The following SDR39U1 variants were observed in gnomAD, a reference collection of about 807,000 sequenced individuals.
The protein encoded by SDR39U1 is epimerase family protein SDR39U1.
A neutral mutation model predicts 31.7 loss-of-function variants in SDR39U1; 29 were observed. The observed-to-expected ratio is 0.92, with a 90% CI of 0.68 to 1.25. The LOEUF (loss-of-function observed/expected upper bound fraction) is 1.25, where lower values mean the gene tolerates loss of function less well. Among genes scored for constraint, SDR39U1 ranks in the 50% most tolerant of loss-of-function variants. The probability of loss-of-function intolerance (pLI) is 0.00; values close to 1 mark genes in which losing one functional copy is unlikely to be tolerated. For missense variants in SDR39U1, 403 were observed against 378.4 expected (o/e 1.06, Z -0.54); for synonymous variants, 147 against 159.0 (o/e 0.92, Z 0.57).
intron 4 of SDR39U1, chr14:24,441,149 G>T (rs1473924676): frequency 7.7e-6 from 5 of 652,096 alleles, no homozygotes; most frequent in Middle Eastern, 5.0e-4. Context: ...CTAGAGTGTA[G>T]TGGTTAAGAA....
At position 24,442,232 on chromosome 14, in the gene SDR39U1, C is replaced by G. The variant is rs1566508292; in HGVS notation, c.152G>C (p.Ser51Thr). The G allele has an allele frequency of 6.2e-7, 1 of 1,611,686 alleles. No homozygotes were observed. ...WDELAASGLP[S>T]CDAAVNLAGE... ...GGCCAGGTTGACGGCGGCATCGCAG[C>G]TCGGCAGCCCCGATGCAGCGAGCTC... Residue 51 changes from serine (S) to threonine (T), a missense_variant, in exon 3 of 6, where the codon AGC becomes ACC. Physicochemically the swap from Ser to Thr is moderately conservative, Grantham distance 58. Coordinates refer to ENST00000399395, the MANE Select transcript of SDR39U1 (RefSeq NM_020195.3).
Position 24,441,783 on chromosome 14 carries a change from G to C in SDR39U1, c.219C>G (p.Thr73=), listed in dbSNP as rs766477382. The C allele has an allele frequency of 2.5e-6, 4 of 1,604,648 alleles. No individual in the cohort carries two copies. The highest frequency in any genetic ancestry group is 3.4e-6 in the Non-Finnish European group (4 of 1,176,916). ...GGCTGCCGATTACCTCTTTTTGGAAGGTTTCATTCCATCTGCAGGAGAAAC... is the reference window on the plus strand; with the variant it reads ...GGCTGCCGATTACCTCTTTTTGGAACGTTTCATTCCATCTGCAGGAGAAAC... The part of the protein sequence containing the change: ...ILNPLRRWNE[T]FQKEVIGSRL... Residue 73 remains threonine (T), a synonymous_variant, in exon 4 of 6, where the codon ACC becomes ACG. Transcript: ENST00000399395.
At chr14:24,441,453 CT>C (rs2043336662) in intron 4 of SDR39U1, 1 of 521,012 alleles carries the variant, frequency 1.9e-6, no homozygotes, top group Non-Finnish European at 3.3e-6. Flanking sequence ...GATAGGTGGA[CT>C]TTTCCCTGGC....
At chr14:24,442,493 G>A in intron 1 of SDR39U1, 41 bp from the exon 2 acceptor site, 1 of 1,545,052 alleles carries the variant, frequency 6.5e-7, no homozygotes, top group East Asian at 2.4e-5. Context: ...CCGTGGAGTT[G>A]GGGTGGGGGC....
rs2043270213 is a variant in SDR39U1 at position 24,439,959 on chromosome 14, AAG to A, written c.*122_*123del. The A allele has an allele frequency of 6.8e-6, 5 of 737,664 alleles. No individual in the cohort carries two copies. The highest frequency in any genetic ancestry group is 1.1e-5 in the Non-Finnish European group (5 of 462,346). 45.7% of individuals were successfully genotyped at this position (737,664 alleles called of 1,614,324 possible). On this transcript the variant is annotated 3_prime_UTR_variant, in exon 6 of 6. Transcript: ENST00000399395. Reference sequence around the variant, plus strand: ...AAGGTGGAGCAACAGAACAATGGGAAAGAGGACTGGGAGAGGAATCTAAGAAC... The same window carrying A: ...AAGGTGGAGCAACAGAACAATGGGAAAGGACTGGGAGAGGAATCTAAGAAC...
rs1046266616 is a variant in SDR39U1 at position 24,440,059 on chromosome 14, C to T, written c.*24G>A. On this transcript the variant is annotated 3_prime_UTR_variant, in exon 6 of 6. Transcript: ENST00000399395. ...AACCTGGAAGCCTGTGAGGAACAGG[C>T]CTCAGGCCCTTGCCACGACCTACTT... The T allele has an allele frequency of 1.6e-5, 25 of 1,565,056 alleles. No individual in the cohort carries two copies. The highest frequency in any genetic ancestry group is 2.2e-5 in the Non-Finnish European group (25 of 1,150,856).
chr14:24,441,104 A>G (rs2043324194), intron 4 of SDR39U1, 178 bp from the exon 5 acceptor site: 2 of 651,110 alleles, frequency 3.1e-6, no homozygotes, highest in Non-Finnish European at 5.4e-6. Flanking sequence ...CCTTCCCTGG[A>G]GGAACTCTGG....
At chr14:24,441,597 T>C in intron 4 of SDR39U1, 77 bp downstream of exon 4, 1 of 1,247,612 alleles carries the variant, frequency 8.0e-7, no homozygotes, top group South Asian at 1.5e-5. Flanking sequence ...AGTGCTCTGG[T>C]GTGTGCATAG....
At chr14:24,440,965 G>T in intron 4 of SDR39U1, 39 bp from the exon 5 acceptor site, 2 of 1,612,780 alleles carry the variant, frequency 1.2e-6, no homozygotes, top group Non-Finnish European at 1.7e-6. Context: ...GGGTGTCCTT[G>T]GTCCTGCCTG....
chr14:24,441,983 G>C (rs1212985737), intron 3 of SDR39U1, 188 bp from the exon 4 acceptor site: 3 of 1,373,208 alleles, frequency 2.2e-6, no homozygotes, highest in Non-Finnish European at 3.0e-6. Flanking sequence ...TGAGTTATAC[G>C]TGAGGACTTA....
At position 24,440,423 on chromosome 14, in the gene SDR39U1, C is replaced by A. The variant is rs11538256; in HGVS notation, c.542G>T (p.Gly181Val). 47,903 of 1,604,712 alleles carry A rather than the reference C, an allele frequency of 0.03. 1,174 individuals carry two copies. The highest frequency in any genetic ancestry group is 0.14 in the East Asian group (6,122 of 44,782). The stretch of plus-strand genomic sequence containing the variant: ...GAATTGGTGGCCTGAGCCGATGGGG[C>A]CCCCCAGGCCCAGGCGAAAGGGCAG... ...MLLPFRLGLG[G>V]PIGSGHQFFP... Residue 181 changes from glycine to valine, a missense_variant, in exon 6 of 6, where the codon GGC becomes GTC. By Grantham distance (109) the Gly-to-Val change is moderately radical. Transcript: ENST00000399395.
At position 24,439,860 on chromosome 14, in the gene SDR39U1, C is replaced by T; in HGVS notation, c.*223G>A. On this transcript the variant is annotated 3_prime_UTR_variant, in exon 6 of 6. Coordinates refer to ENST00000399395, the MANE Select transcript of SDR39U1 (RefSeq NM_020195.3). ...GGCAGCTGCAGGACATGTAGAGAAA[C>T]CAAACTGGGAAATCTTACAAGGAGT... The T allele has an allele frequency of 2.0e-6, 1 of 497,794 alleles. No homozygotes were observed. Among genetic ancestry groups the T allele is most frequent in the South Asian group, 3.5e-5 (1 of 28,532 alleles). 30.8% of individuals were successfully genotyped at this position (497,794 alleles called of 1,614,324 possible).
At chr14:24,441,342 A>G (rs1295208964) in intron 4 of SDR39U1, 1 of 456,626 alleles carries the variant, frequency 2.2e-6, no homozygotes, top group Non-Finnish European at 3.9e-6. Context: ...AACACTTCAA[A>G]TAGTGGCTGG....
chr14:24,440,313 C>T lies in SDR39U1; in HGVS notation c.652G>A (p.Val218Met), dbSNP rs770354760. The T allele has an allele frequency of 3.7e-6, 6 of 1,614,052 alleles. No homozygotes were observed. In the South Asian group the frequency reaches 5.5e-5, roughly 15 times the overall value. ...GCATTAGTGGCGGAGGATGGAGCCA[C>T]TCCATTCAGGACCCCGTGCACGTGG... ...ANHVHGVLNGVAPSSATNAEF... is the reference protein window; with the variant it reads ...ANHVHGVLNGMAPSSATNAEF... The change falls in exon 6 of 6, where the codon GTG becomes ATG. Residue 218 changes from valine to methionine, a missense_variant. Transcript: ENST00000399395.
chr14:24,441,800 A>C lies in SDR39U1; in HGVS notation c.207-5T>G, dbSNP rs1484315496. ...TTTTGGAAGGTTTCATTCCATCTGC[A>C]GGAGAAACATGGGAAATAAAAAGCC... is the stretch of plus-strand genomic sequence containing the variant. On this transcript the variant is annotated splice_region_variant and splice_polypyrimidine_tract_variant and intron_variant, in intron 3 of 5. Coordinates refer to ENST00000399395, the MANE Select transcript of SDR39U1 (RefSeq NM_020195.3). 2.5e-6 allele frequency: 4 copies of C among 1,605,306 alleles called. No individual in the cohort carries two copies. The Middle Eastern group carries it at 5.0e-4, about 199-fold the overall frequency.
In SDR39U1 at chr14:24,440,058, G is replaced by A. The variant is rs772664840; in HGVS notation, c.*25C>T. ...TAACCTGGAAGCCTGTGAGGAACAG[G>A]CCTCAGGCCCTTGCCACGACCTACT... On this transcript the variant is annotated 3_prime_UTR_variant, in exon 6 of 6. Coordinates refer to ENST00000399395, the MANE Select transcript of SDR39U1 (RefSeq NM_020195.3). 10 of 1,558,530 alleles carry A rather than the reference G, an allele frequency of 6.4e-6. No individual in the cohort carries two copies. In the African/African-American group the frequency reaches 6.8e-5, roughly 11 times the overall value.
Position 24,442,026 on chromosome 14 carries a change from G to A in SDR39U1, c.206+152C>T, listed in dbSNP as rs977935231. 19 of 1,504,162 alleles carry A rather than the reference G, an allele frequency of 1.3e-5. No homozygotes were observed. The African/African-American group carries it at 1.5e-4, about 12-fold the overall frequency. 93.2% of individuals were successfully genotyped at this position (1,504,162 alleles called of 1,614,324 possible). A position where few individuals can be genotyped will look rare whatever the true frequency, so the allele number is the denominator to read the frequency against. ...TGGCTGACTGGGTGGAGGAGCAGGTGGGGGTGGAGGAGTGGAGCAGAATGA... is the reference window on the plus strand; with the variant it reads ...TGGCTGACTGGGTGGAGGAGCAGGTAGGGGTGGAGGAGTGGAGCAGAATGA... On this transcript the variant is annotated intron_variant, in intron 3 of 5. Transcript: ENST00000399395.
At chr14:24,442,833 G>C (rs2043396509), upstream of SDR39U1, 6 of 1,573,926 alleles carry the variant, frequency 3.8e-6, no homozygotes, top group Non-Finnish European at 5.2e-6. Flanking sequence ...ACGCGACTAC[G>C]ACCTCTCTGC....
At chr14:24,441,074 T>G in intron 4 of SDR39U1, 148 bp from the exon 5 acceptor site, 1 of 876,846 alleles carries the variant, frequency 1.1e-6, no homozygotes, top group Middle Eastern at 2.1e-4. Context: ...CCCTTGAACT[T>G]CTCCATGACC....
Sources: gnomAD v4.1 joint callset for allele counts on GRCh38, gnomAD v4.1.1 for gene constraint, MANE v1.5 for transcripts, NCBI Gene and HGNC (gene_info 2026-07-23, HGNC 2026-07-21) for gene names.